The following GRID2 variants were observed in gnomAD, a reference collection of about 807,000 sequenced individuals.
GRID2 encodes glutamate receptor ionotropic, delta-2.
GRID2 carries 33 observed loss-of-function variants against 114.8 expected under a neutral mutation model. The ratio of observed to expected loss-of-function variants is 0.29; its 90% CI spans 0.22 to 0.38. The LOEUF (loss-of-function observed/expected upper bound fraction) is 0.38, where lower values mean the gene tolerates loss of function less well. Ranked by LOEUF, GRID2 falls within the 10% of genes least tolerant of loss-of-function variation. The probability of loss-of-function intolerance (pLI) is 1.00; values close to 1 mark genes in which losing one functional copy is unlikely to be tolerated. For synonymous variants in GRID2, 505 were observed against 449.9 expected, an observed-to-expected ratio of 1.12 and a Z score of -1.55; for missense variants, 1,184 against 1,257.7, an observed-to-expected ratio of 0.94 and a Z score of 0.89.
rs758835729 is a variant in GRID2, at chr4:93,332,295, TGTGTGAGA to T, written c.1246-63310_1246-63303del. 1.0e-3 allele frequency among the ~76,000 whole-genome samples: 130 copies of T among 128,952 alleles called. 1 individual carries two copies. Among genetic ancestry groups the T allele is most frequent in the Middle Eastern group, 4.4e-3 (1 of 226 alleles). 84.6% of individuals were successfully genotyped at this position (128,952 alleles called of 152,430 possible). A position where few individuals can be genotyped will look rare whatever the true frequency, so the allele number is the denominator to read the frequency against. On this transcript the variant is annotated intron_variant, in intron 8 of 15. Transcript: ENST00000282020. Reference sequence around the variant, plus strand: ...GTGTGTGTGTGTGTGTGTGTGTGTGTGTGTGAGAGAGAGAGAGAGAGAGAGAGAGAACT... The same window carrying T: ...GTGTGTGTGTGTGTGTGTGTGTGTGTGAGAGAGAGAGAGAGAGAGAGAACT...
At chr4:93,731,090 T>C (rs908032284) in intron 14 of GRID2, among the ~76,000 whole-genome samples, 2 of 152,222 alleles carry the variant, frequency 1.3e-5, no homozygotes, top group Non-Finnish European at 2.9e-5. Flanking sequence ...AGTAAGTTAC[T>C]TGAACTCTCT....
At chr4:93,066,910 C>T (rs946150368) in intron 2 of GRID2, among the ~76,000 whole-genome samples, 7 of 151,920 alleles carry the variant, frequency 4.6e-5, no homozygotes, top group African/African-American at 1.7e-4. Context: ...CAGATGGCTA[C>T]TATGTGGCTA....
chr4:93,046,024 AGAT>A (rs1315470343), intron 2 of GRID2, among the ~76,000 whole-genome samples: 1 of 152,170 alleles, frequency 6.6e-6, no homozygotes, highest in Non-Finnish European at 1.5e-5. Flanking sequence ...TGTCAACCAA[AGAT>A]AGAAACACTT....
intron 3 of GRID2, among the ~76,000 whole-genome samples, chr4:93,096,511 C>T (rs994423924): frequency 2.0e-5 from 3 of 151,906 alleles, no homozygotes; most frequent in Non-Finnish European, 4.4e-5. Flanking sequence ...TAAAAAGCAC[C>T]AGTATGAAAC....
At chr4:92,968,582 C>T (rs1262114604) in intron 2 of GRID2, among the ~76,000 whole-genome samples, 1 of 151,720 alleles carries the variant, frequency 6.6e-6, no homozygotes, top group East Asian at 1.9e-4. Context: ...TTATTTATTC[C>T]TTAATTTATG....
intron 1 of GRID2, among the ~76,000 whole-genome samples, 199 bp from the exon 2 acceptor site, chr4:92,589,932 A>T (rs1728627993): frequency 2.0e-5 from 3 of 152,188 alleles, no homozygotes; most frequent in Admixed American, 2.0e-4. Context: ...ACTATTTATC[A>T]TTCCATTTGG....
rs181446874 is a variant in GRID2 at position 93,011,385 on chromosome 4, A to C, written c.245-73610A>C. On this transcript the variant is annotated intron_variant, in intron 2 of 15. Transcript: ENST00000282020. ...GGCCTGATTCATTATATCACCTGCC[A>C]GTAGTGATAAAAAAATTCAGGCCAT... is the stretch of plus-strand genomic sequence containing the variant. 2.0e-5 allele frequency among the ~76,000 whole-genome samples: 3 copies of C among 152,174 alleles called. No homozygotes were observed. The East Asian group carries it at 5.8e-4, about 30-fold the overall frequency.
chr4:93,260,275 C>G (rs571559897), intron 8 of GRID2, among the ~76,000 whole-genome samples: 1 of 151,198 alleles, frequency 6.6e-6, no homozygotes, highest in African/African-American at 2.4e-5. Flanking sequence ...ATTTTTGATT[C>G]TATATGTTAT....
intron 2 of GRID2, among the ~76,000 whole-genome samples, chr4:92,842,054 A>G (rs892432990): frequency 2.0e-5 from 3 of 152,172 alleles, no homozygotes; most frequent in African/African-American, 7.2e-5. Context: ...CTTAGGAAAA[A>G]TCTAGGTGTC....
At chr4:93,647,994 T>C (rs1246969096) in intron 14 of GRID2, among the ~76,000 whole-genome samples, 1 of 152,158 alleles carries the variant, frequency 6.6e-6, no homozygotes, top group African/African-American at 2.4e-5. Flanking sequence ...CACTGACACA[T>C]AGAGTAGCTA....
chr4:93,784,055 G>C (rs1734538880), intron 1 of GRID2, among the ~76,000 whole-genome samples: 1 of 109,068 alleles, frequency 9.2e-6, no homozygotes, highest in African/African-American at 3.6e-5. Context: ...CTGGGCGACA[G>C]AGCGAGACTC....
At chr4:92,820,311 G>A (rs185162251) in intron 2 of GRID2, among the ~76,000 whole-genome samples, 1 of 152,266 alleles carries the variant, frequency 6.6e-6, no homozygotes, top group East Asian at 1.9e-4. Flanking sequence ...AAGGACCAGT[G>A]CAATGCTGTG....
intron 1 of GRID2, among the ~76,000 whole-genome samples, chr4:92,485,700 T>G (rs748447164): frequency 6.6e-5 from 10 of 151,054 alleles, no homozygotes; most frequent in African/African-American, 9.7e-5. Flanking sequence ...AAAAAATAAA[T>G]AAAGAAAAAT....
At chr4:93,650,603 A>G (rs1170102607) in intron 14 of GRID2, among the ~76,000 whole-genome samples, 1 of 152,178 alleles carries the variant, frequency 6.6e-6, no homozygotes, top group African/African-American at 2.4e-5. Flanking sequence ...CAGTGCTTGT[A>G]TAGTGGTGTG....
intron 4 of GRID2, among the ~76,000 whole-genome samples, chr4:93,113,382 A>G (rs1732952773): frequency 1.3e-5 from 2 of 152,198 alleles, no homozygotes; most frequent in African/African-American, 4.8e-5. Flanking sequence ...ATTAATTCCA[A>G]TAAGTTTGTC....
intron 1 of GRID2, among the ~76,000 whole-genome samples, chr4:92,376,451 T>G (rs1206335346): frequency 1.3e-5 from 2 of 152,164 alleles, no homozygotes; most frequent in Non-Finnish European, 2.9e-5. Flanking sequence ...CCTGGCTGAT[T>G]TCATGGGCTG....
intron 2 of GRID2, among the ~76,000 whole-genome samples, chr4:93,018,728 C>T (rs758216962): frequency 2.0e-5 from 3 of 152,076 alleles, no homozygotes; most frequent in Non-Finnish European, 4.4e-5. Context: ...ATCCCAAATC[C>T]TTTCTTTGTT....
chr4:93,116,891 TA>T (rs1435968442), intron 4 of GRID2, among the ~76,000 whole-genome samples: 1 of 152,054 alleles, frequency 6.6e-6, no homozygotes, highest in Non-Finnish European at 1.5e-5. Context: ...TAGAAATGCA[TA>T]AAACCAGAGG....
At chr4:92,783,100 G>A (rs935163132) in intron 2 of GRID2, among the ~76,000 whole-genome samples, 8 of 152,078 alleles carry the variant, frequency 5.3e-5, no homozygotes, top group Admixed American at 2.0e-4. Flanking sequence ...ATGATTTTAT[G>A]TATAAATAGC....
Sources: gnomAD v4.1 joint callset for allele counts (sites outside exome capture counted in the v4.1 genomes callset) on GRCh38, gnomAD v4.1.1 for gene constraint, MANE v1.5 for transcripts, NCBI Gene and HGNC (gene_info 2026-07-23, HGNC 2026-07-21) for gene names.